Variants in KIF13A observed in about 807,000 individuals in gnomAD.
The protein encoded by KIF13A is kinesin family member 13A.
KIF13A carries 79 observed loss-of-function variants against 212.2 expected under a neutral mutation model. That is an observed-to-expected ratio of 0.37 (90% CI 0.31 to 0.45). The LOEUF (loss-of-function observed/expected upper bound fraction) is 0.45, where lower values mean the gene tolerates loss of function less well. Ranked by LOEUF, KIF13A falls within the 20% of genes least tolerant of loss-of-function variation. The pLI is 1.00. For synonymous variants in KIF13A, 789 were observed against 808.6 expected (o/e 0.98, Z 0.41); for missense variants, 1,901 against 2,209.0 (o/e 0.86, Z 2.79).
At chr6:17,923,491 G>A (rs933400039) in intron 2 of KIF13A, among the ~76,000 whole-genome samples, 3 of 150,808 alleles carry the variant, frequency 2.0e-5, no homozygotes, top group African/African-American at 7.3e-5. Context: ...CATCTTCCCT[G>A]TTCCAAAGAC....
chr6:17,952,199 G>A (rs1366112977), intron 2 of KIF13A, among the ~76,000 whole-genome samples: 2 of 151,812 alleles, frequency 1.3e-5, no homozygotes, highest in Admixed American at 1.3e-4. Context: ...AGCTACTCGG[G>A]AGGCTGAGGC....
rs1354531339 is a variant in KIF13A, at chr6:17,914,864, A to G, written c.147-16684T>C. Among the ~76,000 whole-genome samples the G allele has an allele frequency of 6.6e-6, 1 of 152,232 alleles. No individual in the cohort carries two copies. Among genetic ancestry groups the G allele is most frequent in the Non-Finnish European group, 1.5e-5 (1 of 68,044 alleles). On this transcript the variant is annotated intron_variant, in intron 2 of 38. Coordinates refer to ENST00000259711, the MANE Select transcript of KIF13A (RefSeq NM_022113.6). The surrounding 1 kb of genome is among the most constrained non-coding windows in gnomAD (Gnocchi z 5.9). ...TGTCATGTCTTCAAAAGTATCACAC[A>G]GTGAGGCTTTCCCAAAATGCAGCAT...
At position 17,764,475 on chromosome 6, in the gene KIF13A, T is replaced by A. The variant is rs1441751005; in HGVS notation, c.5053A>T (p.Ile1685Phe). Reference sequence around the variant, plus strand: ...AGTGATTTGGAGTTTTTCTCAGGGATGCTCTGGGATGATGGGCTCCCTTTG... The same window carrying A: ...AGTGATTTGGAGTTTTTCTCAGGGAAGCTCTGGGATGATGGGCTCCCTTTG... The part of the protein sequence containing the change: ...LAKGSPSSQS[I>F]PEKNSKSLCR... The change falls in exon 39 of 39, where the codon ATC becomes TTC. Residue 1685 changes from isoleucine (I) to phenylalanine (F), a missense_variant. Ile to Phe is a conservative substitution (Grantham distance 21). Coordinates refer to ENST00000259711, the MANE Select transcript of KIF13A (RefSeq NM_022113.6). This position sits in a 1 kb window ranked among gnomAD's most constrained non-coding sequence, Gnocchi z 5.1. 3 of 1,614,018 alleles carry A rather than the reference T, an allele frequency of 1.9e-6. No homozygotes were observed. Among genetic ancestry groups the A allele is most frequent in the South Asian group, 2.2e-5 (2 of 91,086 alleles).
chr6:17,986,844 G>C (rs995480239), intron 2 of KIF13A, among the ~76,000 whole-genome samples: 3 of 152,246 alleles, frequency 2.0e-5, no homozygotes, highest in Admixed American at 6.5e-5. Context: ...CTGTGGCCAG[G>C]GTGCCCTGCC....
intron 18 of KIF13A, among the ~76,000 whole-genome samples, chr6:17,807,916 T>C (rs914680897): frequency 5.9e-5 from 9 of 152,198 alleles, no homozygotes; most frequent in African/African-American, 2.2e-4. Flanking sequence ...CGGGTTCCCC[T>C]GATAAACAAC....
In KIF13A at chr6:17,831,120, A is replaced by T. The variant is rs1468289329; in HGVS notation, c.1382T>A (p.Leu461His). 1 of 1,612,522 alleles carries T rather than the reference A, an allele frequency of 6.2e-7. No homozygotes were observed. The highest frequency in any genetic ancestry group is 8.5e-7 in the Non-Finnish European group (1 of 1,179,456). ...NLNADPALNE[L>H]LVYYLKDHTR... ...TCCTACCTTTAAATAATAAACCAGAAGTTCGTTAAGAGCAGGGTCTGCATT... is the reference window on the plus strand; with the variant it reads ...TCCTACCTTTAAATAATAAACCAGATGTTCGTTAAGAGCAGGGTCTGCATT... The change falls in exon 13 of 39, where the codon CTT (leucine) becomes CAT (histidine). Residue 461 changes from leucine to histidine, a missense_variant. Transcript: ENST00000259711.
At chr6:17,938,457 T>C (rs892690244) in intron 2 of KIF13A, among the ~76,000 whole-genome samples, 3 of 152,166 alleles carry the variant, frequency 2.0e-5, no homozygotes, top group Non-Finnish European at 2.9e-5. Context: ...TTCATGAAGA[T>C]AGAACGGTCC....
At chr6:17,793,091 A>T (rs1222976386) in intron 25 of KIF13A, among the ~76,000 whole-genome samples, 1 of 151,448 alleles carries the variant, frequency 6.6e-6, no homozygotes, top group Non-Finnish European at 1.5e-5. Flanking sequence ...TCCTAATTTT[A>T]TTTTTTTTGA....
rs752400039 is a variant in KIF13A, at chr6:17,794,378, T to C, written c.3093A>G (p.Val1031=). ...FQLRQGHSRR[V]QVTVKPVQHS... is the part of the protein sequence containing the mutation. ...GCTGCACAGGTTTCACCGTGACTTG[T>C]ACTCTACGGGAATGACCCTGAAGAG... The change falls in exon 25 of 39, where the codon GTA becomes GTG. Residue 1031 remains valine, a synonymous_variant. Transcript: ENST00000259711. This position sits in a 1 kb window ranked among gnomAD's most constrained non-coding sequence, Gnocchi z 4.1. 21 of 1,613,568 alleles carry C rather than the reference T, an allele frequency of 1.3e-5. No individual in the cohort carries two copies. Among genetic ancestry groups the C allele is most frequent in the Non-Finnish European group, 1.7e-5 (20 of 1,179,598 alleles).
chr6:17,985,642 G>GGC (rs1220860610), intron 2 of KIF13A, among the ~76,000 whole-genome samples: 1,900 of 96,170 alleles, frequency 0.02, 61 homozygotes, highest in Non-Finnish European at 0.029. Flanking sequence ...CGGGGGGGTG[G>GGC]GGGGAGGGGA....
At chr6:17,791,178 A>G in intron 25 of KIF13A, among the ~76,000 whole-genome samples, 1 of 151,824 alleles carries the variant, frequency 6.6e-6, no homozygotes. Context: ...TGTAATCCTA[A>G]TCCTGAAGTA....
rs541522969 is a variant in KIF13A, at chr6:17,916,150, G to A, written c.147-17970C>T. 6.6e-5 allele frequency among the ~76,000 whole-genome samples: 10 copies of A among 152,182 alleles called. No individual in the cohort carries two copies. In the South Asian group the frequency reaches 2.1e-3, roughly 32 times the overall value. On this transcript the variant is annotated intron_variant, in intron 2 of 38. Transcript: ENST00000259711. ...GTCACACTAGTGGCAAGCGTTCATG[G>A]CAGTATTATTCTCTAGGTTAGGAAA...
intron 3 of KIF13A, among the ~76,000 whole-genome samples, chr6:17,876,970 T>C (rs748362529): frequency 2.6e-5 from 4 of 152,152 alleles, no homozygotes; most frequent in Non-Finnish European, 5.9e-5. Flanking sequence ...TAGACTAAGT[T>C]CCCTGAAAGC....
chr6:17,862,272 G>A (rs1437424558), intron 4 of KIF13A, among the ~76,000 whole-genome samples: 1 of 152,160 alleles, frequency 6.6e-6, no homozygotes, highest in Admixed American at 6.5e-5. Flanking sequence ...ACTAATAGTT[G>A]CTACCTAAGT....
At chr6:17,980,661 G>A (rs937070321) in intron 2 of KIF13A, among the ~76,000 whole-genome samples, 5 of 152,016 alleles carry the variant, frequency 3.3e-5, no homozygotes, top group African/African-American at 1.2e-4. Flanking sequence ...AGAAAAAAAA[G>A]CAAAATAAAG....
downstream of KIF13A, chr6:17,760,007 T>C (rs926727878): frequency 1.3e-5 from 2 of 152,200 alleles, no homozygotes; most frequent in African/African-American, 4.8e-5. Context: ...TCAACAGTTA[T>C]AATACAATGT....
intron 2 of KIF13A, chr6:17,950,858 T>C: frequency 1.0e-6 from 1 of 982,740 alleles, no homozygotes; most frequent in Non-Finnish European, 1.2e-6. Flanking sequence ...TACAACACTA[T>C]TGAACATAAA....
At chr6:17,779,742 ATTTTTT>A in intron 31 of KIF13A, 58 bp from the exon 32 acceptor site, 1 of 461,382 alleles carries the variant, frequency 2.2e-6, no homozygotes, top group South Asian at 1.9e-5. Flanking sequence ...GTTATTTTGT[ATTTTTT>A]TTTTTTTTTT....
At chr6:17,881,847 T>C (rs1771095435) in intron 3 of KIF13A, 1 of 353,994 alleles carries the variant, frequency 2.8e-6, no homozygotes, top group South Asian at 2.1e-5. Context: ...AATACAAAAA[T>C]TAGCTGGGTA....
Sources: allele counts gnomAD v4.1 joint callset (sites outside exome capture counted in the v4.1 genomes callset), GRCh38; gene constraint gnomAD v4.1.1; non-coding constraint Gnocchi (gnomAD v3.1); transcripts MANE v1.5; gene names NCBI Gene and HGNC (gene_info 2026-07-23, HGNC 2026-07-21).